Variants in POLR3C observed in about 807,000 individuals in gnomAD.
POLR3C encodes the protein DNA-directed RNA polymerase III subunit RPC3.
POLR3C carries 44 observed loss-of-function variants against 65.9 expected under a neutral mutation model. That is an observed-to-expected ratio of 0.67 (90% CI 0.52 to 0.86). The LOEUF (loss-of-function observed/expected upper bound fraction) is 0.86, where lower values mean the gene tolerates loss of function less well. POLR3C is among the 40% of genes least tolerant of loss of function. The probability of loss-of-function intolerance (pLI) is 0.00; values close to 1 mark genes in which losing one functional copy is unlikely to be tolerated. For missense variants in POLR3C, 576 were observed against 653.2 expected (o/e 0.88, Z 1.29); for synonymous variants, 263 against 231.6 (o/e 1.14, Z -1.23).
Position 145,826,688 on chromosome 1 carries a change from C to A in POLR3C, c.382C>A (p.Arg128=), listed in dbSNP as rs1441379155. 1 of 1,614,070 alleles carries A rather than the reference C, an allele frequency of 6.2e-7. No individual in the cohort carries two copies. The highest frequency in any genetic ancestry group is 1.1e-5 in the South Asian group (1 of 91,080). The change falls in exon 3 of 15, where the codon CGG becomes AGG. Residue 128 remains arginine, a synonymous_variant. Transcript: ENST00000334163. ...MSAVVKKVAD[R]LTETMEDGKT... ...AGCTGTTGTGAAGAAAGTGGCAGAC[C>A]GGCTCACAGAGACCATGGAGGGTCA...
intron 14 of POLR3C, 56 bp from the exon 15 acceptor site, chr1:145,842,283 T>C: frequency 9.1e-7 from 1 of 1,093,950 alleles, no homozygotes; most frequent in Non-Finnish European, 1.4e-6. Flanking sequence ...TAACCTCTAA[T>C]CTTAAATATG....
At chr1:145,836,714 T>C (rs1201439176) in intron 8 of POLR3C, 101 bp from the exon 9 acceptor site, 1 of 944,120 alleles carries the variant, frequency 1.1e-6, no homozygotes, top group Non-Finnish European at 1.7e-6. Flanking sequence ...CATCATTTGA[T>C]AGGAGGGCTA....
Position 145,839,953 on chromosome 1 carries a change from C to T in POLR3C, c.1285C>T (p.Leu429=), listed in dbSNP as rs1652158005. ...CTTCTATTTATATACTGTGAACATC[C>T]TGTCAGCTGCCCGAATGTTGTTGCA... ...RTFYLYTVNI[L]SAARMLLHRC... is the part of the protein sequence containing the mutation. Residue 429 remains leucine (L), a synonymous_variant, in exon 12 of 15, where the codon CTG becomes TTG. Coordinates refer to ENST00000334163, the MANE Select transcript of POLR3C (RefSeq NM_006468.8). 6.2e-7 allele frequency: 1 copy of T among 1,612,164 alleles called. No individual in the cohort carries two copies. The highest frequency in any genetic ancestry group is 8.5e-7 in the Non-Finnish European group (1 of 1,178,244).
intron 5 of POLR3C, 128 bp downstream of exon 5, chr1:145,828,965 T>C (rs114913976): frequency 6.4e-6 from 4 of 623,426 alleles, no homozygotes; most frequent in Non-Finnish European, 1.2e-5. Context: ...CCTCATTAAA[T>C]ATTAGGAATA....
intron 14 of POLR3C, among the ~76,000 whole-genome samples, chr1:145,842,097 A>G (rs782319255): frequency 2.0e-5 from 3 of 152,126 alleles, no homozygotes; most frequent in Non-Finnish European, 4.4e-5. Context: ...CCTGATTGCA[A>G]ATGAAGACTA....
At chr1:145,839,595 T>TG in intron 11 of POLR3C, 1 of 276,440 alleles carries the variant, frequency 3.6e-6, no homozygotes. Flanking sequence ...TAGCGGAGCA[T>TG]GGTGGTGCAT....
chr1:145,844,197 A>G lies in POLR3C; in HGVS notation c.*1777A>G, dbSNP rs1652493619. 6.6e-6 allele frequency among the ~76,000 whole-genome samples: 1 copy of G among 152,230 alleles called. No homozygotes were observed. Among genetic ancestry groups the G allele is most frequent in the African/African-American group, 2.4e-5 (1 of 41,446 alleles). ...CAAAAGGAAAGAAATCAATGTATCA[A>G]AAAGATACCTGCACTCCCATGTTTA... On this transcript the variant is annotated 3_prime_UTR_variant, in exon 15 of 15. Transcript: ENST00000334163.
chr1:145,839,628 G>A (rs1652130543), intron 11 of POLR3C: 1 of 350,254 alleles, frequency 2.9e-6, no homozygotes. Flanking sequence ...GGCTACTTGG[G>A]GGACTGAGGT....
intron 6 of POLR3C, 49 bp from the exon 7 acceptor site, chr1:145,833,441 G>C (rs1432832746): frequency 6.5e-7 from 1 of 1,546,058 alleles, no homozygotes; most frequent in African/African-American, 1.4e-5. Flanking sequence ...GGCACATAGA[G>C]CCAGGGGCAG....
At chr1:145,828,704 C>A in intron 4 of POLR3C, 45 bp from the exon 5 acceptor site, 3 of 1,280,126 alleles carry the variant, frequency 2.3e-6, no homozygotes, top group South Asian at 1.2e-5. Context: ...CATTTCCTGT[C>A]ATCATATGAG....
In POLR3C at chr1:145,843,741, A is replaced by G. The variant is rs1295459926; in HGVS notation, c.*1321A>G. On this transcript the variant is annotated 3_prime_UTR_variant, in exon 15 of 15. Transcript: ENST00000334163. ...AGGGAAGGGAACACAGAGAGTGACA[A>G]TGTATAGTTTGAAAGATGAGGATGC... 6.6e-6 allele frequency among the ~76,000 whole-genome samples: 1 copy of G among 152,228 alleles called. No individual in the cohort carries two copies. The highest frequency in any genetic ancestry group is 2.4e-5 in the African/African-American group (1 of 41,470).
At chr1:145,827,779 A>T (rs879972505) in intron 4 of POLR3C, among the ~76,000 whole-genome samples, 41,316 of 142,860 alleles carry the variant, frequency 0.29, 6,834 homozygotes, top group Non-Finnish European at 0.36. Context: ...AAAAAAAAAA[A>T]TAGCCAGGTA....
rs1553730065 is a variant in POLR3C at position 145,840,112 on chromosome 1, T to G, written c.1324-4T>G. On this transcript the variant is annotated splice_region_variant and splice_polypyrimidine_tract_variant and intron_variant, in intron 12 of 14. Coordinates refer to ENST00000334163, the MANE Select transcript of POLR3C (RefSeq NM_006468.8). The stretch of plus-strand genomic sequence containing the variant: ...CATTCCTTGTCTGTCTTCTCTTTCC[T>G]CAGAGCATAGCCAACTTGATAGAAA... 6.2e-7 allele frequency: 1 copy of G among 1,606,958 alleles called. No homozygotes were observed. The highest frequency in any genetic ancestry group is 8.5e-7 in the Non-Finnish European group (1 of 1,173,440).
At chr1:145,824,433 G>C in intron 1 of POLR3C, 64 bp downstream of exon 1, 1 of 681,628 alleles carries the variant, frequency 1.5e-6, no homozygotes, top group Non-Finnish European at 2.3e-6. Context: ...CGTCCGAAAC[G>C]GGAACCTGTG....
rs781953745 is a variant in POLR3C, at chr1:145,836,875, AC to A, written c.1009+11del. The A allele has an allele frequency of 1.3e-6, 2 of 1,522,384 alleles. No homozygotes were observed. Among genetic ancestry groups the A allele is most frequent in the South Asian group, 1.1e-5 (1 of 87,216 alleles). The allele number at this position is 1,522,384 out of a possible 1,614,324, so 94.3% of individuals were successfully genotyped here. The stretch of plus-strand genomic sequence containing the variant: ...AGGAATGTATGTCATCAGTATCCTT[AC>A]CAGTTATTTCCTTAGAGTCAGGCAG... On this transcript the variant is annotated intron_variant, in intron 9 of 14. Coordinates refer to ENST00000334163, the MANE Select transcript of POLR3C (RefSeq NM_006468.8).
At chr1:145,841,837 C>CA (rs1652317543) in intron 14 of POLR3C, among the ~76,000 whole-genome samples, 1 of 151,898 alleles carries the variant, frequency 6.6e-6, no homozygotes, top group East Asian at 1.9e-4. Context: ...CTAGAACCTC[C>CA]AGTAAAAGGT....
rs1315107397 is a variant in POLR3C at position 145,842,967 on chromosome 1, A to G, written c.*547A>G. On this transcript the variant is annotated 3_prime_UTR_variant, in exon 15 of 15. Transcript: ENST00000334163. ...AGCTGGGACTACAGGCATGCACCAC[A>G]CATACCCAGCTATTTTTTATTTATT... Among the ~76,000 whole-genome samples the G allele has an allele frequency of 6.6e-6, 1 of 151,890 alleles. No homozygotes were observed. Among genetic ancestry groups the G allele is most frequent in the Non-Finnish European group, 1.5e-5 (1 of 67,958 alleles).
intron 5 of POLR3C, among the ~76,000 whole-genome samples, chr1:145,832,879 T>C (rs1262290049): frequency 6.6e-6 from 1 of 151,924 alleles, no homozygotes; most frequent in Non-Finnish European, 1.5e-5. Context: ...AAAATTAGCC[T>C]AGCGCAGTGG....
chr1:145,837,173 C>T (rs895292203), intron 9 of POLR3C, among the ~76,000 whole-genome samples: 3 of 151,940 alleles, frequency 2.0e-5, no homozygotes, highest in African/African-American at 7.3e-5. Flanking sequence ...CCAGCTGTAA[C>T]GATGCATGCT....
Sources: gnomAD v4.1 joint callset for allele counts (sites outside exome capture counted in the v4.1 genomes callset) on GRCh38, gnomAD v4.1.1 for gene constraint, MANE v1.5 for transcripts, NCBI Gene and HGNC (gene_info 2026-07-23, HGNC 2026-07-21) for gene names.